Variants in KCND3 observed in about 807,000 individuals in gnomAD.
KCND3 encodes potassium voltage-gated channel subfamily D member 3, also known as A-type voltage-gated potassium channel KCND3.
KCND3 carries 9 observed loss-of-function variants against 51.1 expected under a neutral mutation model. The observed-to-expected ratio is 0.18, with a 90% CI of 0.11 to 0.31. The LOEUF (loss-of-function observed/expected upper bound fraction) is 0.31. Among genes scored for constraint, KCND3 ranks in the 10% least tolerant of loss-of-function variants. The pLI, the probability that KCND3 is intolerant of heterozygous loss-of-function variation, is 1.00. For missense variants in KCND3, 526 were observed against 903.8 expected (o/e 0.58, Z 5.36); for synonymous variants, 349 against 368.0 (o/e 0.95, Z 0.59).
chr1:111,893,614 C>T (rs139537176), intron 2 of KCND3, among the ~76,000 whole-genome samples: 11 of 152,294 alleles, frequency 7.2e-5, no homozygotes, highest in Non-Finnish European at 1.2e-4. Context: ...TGCCCCTATG[C>T]GGTGCTTCAC....
At chr1:111,831,725 G>T (rs1217130120) in intron 2 of KCND3, among the ~76,000 whole-genome samples, 1 of 152,092 alleles carries the variant, frequency 6.6e-6, no homozygotes, top group Non-Finnish European at 1.5e-5. Flanking sequence ...ATACTGAGCT[G>T]GCCCCACGAG....
intron 2 of KCND3, among the ~76,000 whole-genome samples, chr1:111,963,206 A>T (rs2101937326): frequency 6.6e-6 from 1 of 152,364 alleles, no homozygotes; most frequent in African/African-American, 2.4e-5. Context: ...ATAAATGTTT[A>T]TGATTTAAGC....
chr1:111,884,392 G>A (rs1004259176), intron 2 of KCND3, among the ~76,000 whole-genome samples: 1 of 152,210 alleles, frequency 6.6e-6, no homozygotes, highest in East Asian at 1.9e-4. Flanking sequence ...GCCCTGCTGT[G>A]CCTGTTCCCT....
At chr1:111,963,858 G>A (rs1673813844) in intron 2 of KCND3, among the ~76,000 whole-genome samples, 1 of 152,206 alleles carries the variant, frequency 6.6e-6, no homozygotes, top group Non-Finnish European at 1.5e-5. Context: ...CACCACACCA[G>A]CATGCACACA....
intron 2 of KCND3, among the ~76,000 whole-genome samples, chr1:111,906,810 C>A (rs2101804370): frequency 1.3e-5 from 2 of 152,310 alleles, no homozygotes; most frequent in Middle Eastern, 6.8e-3. Context: ...CAAGATGGAT[C>A]CAAAGAAAAC....
chr1:111,829,534 GA>G (rs940846416), intron 2 of KCND3, among the ~76,000 whole-genome samples: 27 of 152,118 alleles, frequency 1.8e-4, no homozygotes, highest in African/African-American at 6.3e-4. Flanking sequence ...AGGGATGGGG[GA>G]AAGACTACAA....
intron 2 of KCND3, among the ~76,000 whole-genome samples, chr1:111,804,404 G>A (rs1367415160): frequency 6.6e-6 from 1 of 152,210 alleles, no homozygotes; most frequent in Non-Finnish European, 1.5e-5. Flanking sequence ...CGCATTTTAT[G>A]TTTGCTCTGA....
chr1:111,819,785 C>G lies in KCND3; in HGVS notation c.1107-32679G>C, dbSNP rs138209545. ...CTCCCAGCACCTGTCACTGGCTTGCCCCATCTTACAATGAGGCGACTGTAA... is the reference window on the plus strand; with the variant it reads ...CTCCCAGCACCTGTCACTGGCTTGCGCCATCTTACAATGAGGCGACTGTAA... On this transcript the variant is annotated intron_variant, in intron 2 of 7. Transcript: ENST00000302127. 2.0e-3 allele frequency among the ~76,000 whole-genome samples: 312 copies of G among 152,280 alleles called. 14 individuals carry two copies. In the East Asian group the frequency reaches 0.055, roughly 27 times the overall value.
intron 2 of KCND3, among the ~76,000 whole-genome samples, chr1:111,950,145 A>G (rs1401909949): frequency 6.6e-6 from 1 of 152,182 alleles, no homozygotes; most frequent in African/African-American, 2.4e-5. Flanking sequence ...TCCTCACCTC[A>G]GGTGATCCAC....
intron 2 of KCND3, among the ~76,000 whole-genome samples, chr1:111,898,355 T>TC (rs1370495748): frequency 6.6e-6 from 1 of 151,998 alleles, no homozygotes; most frequent in Non-Finnish European, 1.5e-5. Flanking sequence ...CTCCATCTGC[T>TC]CCCCCGTGGC....
intron 2 of KCND3, among the ~76,000 whole-genome samples, chr1:111,928,316 C>A (rs1671807164): frequency 6.6e-6 from 1 of 152,282 alleles, no homozygotes; most frequent in Admixed American, 6.5e-5. Context: ...CTCACCTACT[C>A]CCCGGGAAGC....
intron 7 of KCND3, 75 bp from the exon 8 acceptor site, chr1:111,776,353 T>C: frequency 7.2e-7 from 1 of 1,396,218 alleles, no homozygotes; most frequent in Non-Finnish European, 1.0e-6. Context: ...CCCCTACATT[T>C]CTTGCTCGTG....
At chr1:111,892,346 A>G (rs1669871448) in intron 2 of KCND3, among the ~76,000 whole-genome samples, 1 of 152,110 alleles carries the variant, frequency 6.6e-6, no homozygotes, top group African/African-American at 2.4e-5. Flanking sequence ...TTTATTGGGC[A>G]TTGCCCTGGA....
intron 2 of KCND3, among the ~76,000 whole-genome samples, chr1:111,808,826 C>T (rs774127552): frequency 1.3e-5 from 2 of 152,228 alleles, no homozygotes; most frequent in Non-Finnish European, 2.9e-5. Flanking sequence ...TTGTGCTCTG[C>T]AGCGCCTGTT....
chr1:111,781,489 A>T (rs2618039), intron 3 of KCND3, among the ~76,000 whole-genome samples: 75,886 of 152,102 alleles, frequency 0.5, 20,934 homozygotes, highest in African/African-American at 0.76. Context: ...ACAATTGTAT[A>T]TCTGTCTTTG....
intron 2 of KCND3, among the ~76,000 whole-genome samples, chr1:111,899,613 T>C (rs1453412858): frequency 6.6e-6 from 1 of 152,216 alleles, no homozygotes; most frequent in Non-Finnish European, 1.5e-5. Flanking sequence ...TTTCATTAGT[T>C]GTACTCTAGA....
At chr1:111,843,388 G>C (rs1010850678) in intron 2 of KCND3, among the ~76,000 whole-genome samples, 6 of 152,208 alleles carry the variant, frequency 3.9e-5, no homozygotes, top group African/African-American at 7.2e-5. Flanking sequence ...GAAGGCAAAG[G>C]CTGCCCAGTC....
Position 111,981,529 on chromosome 1 carries a change from C to A in KCND3, c.1106+92G>T. On this transcript the variant is annotated intron_variant, in intron 2 of 7. Coordinates refer to ENST00000302127, the MANE Select transcript of KCND3 (RefSeq NM_001378969.1). The surrounding 1 kb of genome is among the most constrained non-coding windows in gnomAD (Gnocchi z 6.2). ...ACACTTGGGTAAGGGACTCCCTCCT[C>A]CTCTACCCATGGTGACACCATCCAA... 1.3e-6 allele frequency: 2 copies of A among 1,582,242 alleles called. No homozygotes were observed. The highest frequency in any genetic ancestry group is 8.7e-7 in the Non-Finnish European group (1 of 1,152,472).
At chr1:111,917,467 A>C (rs1200112751) in intron 2 of KCND3, among the ~76,000 whole-genome samples, 1 of 152,178 alleles carries the variant, frequency 6.6e-6, no homozygotes, top group East Asian at 1.9e-4. Flanking sequence ...GTTAATTCAA[A>C]TGATTACAGA....
Sources: allele counts gnomAD v4.1 joint callset (sites outside exome capture counted in the v4.1 genomes callset), GRCh38; gene constraint gnomAD v4.1.1; non-coding constraint Gnocchi (gnomAD v3.1); transcripts MANE v1.5; gene names NCBI Gene and HGNC (gene_info 2026-07-23, HGNC 2026-07-21).